SLC27A4: variants seen among roughly 807,000 people sequenced by gnomAD.
SLC27A4 encodes long-chain fatty acid transport protein 4.
In SLC27A4, 33 loss-of-function variants were observed where a neutral mutation model predicts 64.4. The observed-to-expected ratio is 0.51, with a 90% CI of 0.39 to 0.68. The LOEUF (loss-of-function observed/expected upper bound fraction) is 0.68, where lower values mean the gene tolerates loss of function less well. Among genes scored for constraint, SLC27A4 ranks in the 30% least tolerant of loss-of-function variants. The pLI, the probability that SLC27A4 is intolerant of heterozygous loss-of-function variation, is 0.00. For missense variants in SLC27A4, 824 were observed against 883.5 expected, an observed-to-expected ratio of 0.93 and a Z score of 0.85; for synonymous variants, 377 against 370.0, an observed-to-expected ratio of 1.02 and a Z score of -0.22.
chr9:128,354,953 C>CAA (rs139411337), intron 9 of SLC27A4, 100 bp from the exon 10 acceptor site: 4,488 of 724,560 alleles, frequency 6.2e-3, no homozygotes, highest in African/African-American at 0.014. Context: ...AACTCCGTCT[C>CAA]AAAAAAAAAA....
chr9:128,352,777 C>T (rs1377764919), intron 7 of SLC27A4, 30 bp downstream of exon 7: 6 of 1,528,184 alleles, frequency 3.9e-6, no homozygotes, highest in Admixed American at 3.3e-5. Context: ...GTGAGCTGTC[C>T]CTTTCCCCTA....
Position 128,358,538 on chromosome 9 carries a change from G to A in SLC27A4, c.1775-1796G>A, listed in dbSNP as rs141945814. On this transcript the variant is annotated intron_variant, in intron 12 of 12. Transcript: ENST00000300456. ...AGCTCACTGCAACCTTTGCCTCCTG[G>A]GTTCAAGTGATTCTCCTGTCTCAGC... 5.6e-3 allele frequency among the ~76,000 whole-genome samples: 846 copies of A among 152,308 alleles called. 6 individuals carry two copies. Among genetic ancestry groups the A allele is most frequent in the South Asian group, 0.011 (51 of 4,822 alleles).
chr9:128,340,934 C>T (rs1338572279), intron 1 of SLC27A4, 96 bp downstream of exon 1: 3 of 483,500 alleles, frequency 6.2e-6, no homozygotes, highest in East Asian at 7.0e-5. Flanking sequence ...GGGGGCGCGC[C>T]CTGCGGCGCT....
rs765673664 is a variant in SLC27A4, at chr9:128,350,594, C to T, written c.877+19C>T. On this transcript the variant is annotated intron_variant, in intron 6 of 12. Coordinates refer to ENST00000300456, the MANE Select transcript of SLC27A4 (RefSeq NM_005094.4). ...TCAGCAGGTAACTCTAGGGCTGTCA[C>T]ACAGCCTCCAGCACCTGCCAGGTCT... 1.3e-5 allele frequency: 20 copies of T among 1,579,614 alleles called. No homozygotes were observed. Among genetic ancestry groups the T allele is most frequent in the Non-Finnish European group, 1.7e-5 (20 of 1,153,428 alleles).
In SLC27A4 at chr9:128,355,686, G is replaced by T; in HGVS notation, c.1664G>T (p.Ser555Ile). The T allele has an allele frequency of 6.2e-7, 1 of 1,612,536 alleles. No homozygotes were observed. ...CGGGCCGGAATGGCTGCTGTGGCCA[G>T]CCCCACTGGCAACTGTGACCTGGAG... ...EGRAGMAAVA[S>I]PTGNCDLERF... Residue 555 changes from serine to isoleucine, a missense_variant, in exon 12 of 13, where the codon AGC becomes ATC. Ser to Ile is a moderately radical substitution (Grantham distance 142). Coordinates refer to ENST00000300456, the MANE Select transcript of SLC27A4 (RefSeq NM_005094.4).
In SLC27A4 at chr9:128,340,668, G is replaced by A; in HGVS notation, c.-177G>A. On this transcript the variant is annotated 5_prime_UTR_variant, in exon 1 of 13. Transcript: ENST00000300456. ...GTAGGAGCGCGGCGGGCGGGGCCGG[G>A]CGGCGGGCGGGGCTGGCGGGGCGGC... The A allele has an allele frequency of 2.8e-6, 1 of 362,228 alleles. No homozygotes were observed. The highest frequency in any genetic ancestry group is 4.9e-6 in the Non-Finnish European group (1 of 203,026). 22.4% of individuals were successfully genotyped at this position (362,228 alleles called of 1,614,324 possible).
intron 6 of SLC27A4, among the ~76,000 whole-genome samples, chr9:128,352,125 G>T (rs1832746074): frequency 6.6e-6 from 1 of 151,984 alleles, no homozygotes; most frequent in Non-Finnish European, 1.5e-5. Context: ...AACCCGGAAG[G>T]CGGAGCTTGC....
chr9:128,343,674 G>A (rs2131250866), intron 2 of SLC27A4, among the ~76,000 whole-genome samples: 1 of 152,296 alleles, frequency 6.6e-6, no homozygotes, highest in Admixed American at 6.5e-5. Context: ...GTGTGAGATG[G>A]CACAGGGGGC....
chr9:128,347,416 A>G (rs1832672702), intron 3 of SLC27A4, among the ~76,000 whole-genome samples: 1 of 152,120 alleles, frequency 6.6e-6, no homozygotes, highest in African/African-American at 2.4e-5. Flanking sequence ...GGGATAATGA[A>G]TAGGGAAGTC....
In SLC27A4 at chr9:128,361,165, G is replaced by C. The variant is rs541462309; in HGVS notation, c.*674G>C. ...ATCTCAGTCTTGGCCTGGCTATGAGGGGAGGAGGAATGGGAGAGGGGGCTC... is the reference window on the plus strand; with the variant it reads ...ATCTCAGTCTTGGCCTGGCTATGAGCGGAGGAGGAATGGGAGAGGGGGCTC... On this transcript the variant is annotated 3_prime_UTR_variant, in exon 13 of 13. Coordinates refer to ENST00000300456, the MANE Select transcript of SLC27A4 (RefSeq NM_005094.4). 52 of 155,710 alleles carry C rather than the reference G, an allele frequency of 3.3e-4. No individual in the cohort carries two copies. The highest frequency in any genetic ancestry group is 6.3e-4 in the Non-Finnish European group (44 of 70,016). 9.6% of individuals were successfully genotyped at this position (155,710 alleles called of 1,614,324 possible).
chr9:128,341,870 C>CT (rs1426102057), intron 1 of SLC27A4, among the ~76,000 whole-genome samples: 1 of 152,176 alleles, frequency 6.6e-6, no homozygotes, highest in African/African-American at 2.4e-5. Flanking sequence ...TCCTGAGTAG[C>CT]TGGGGTTACA....
At chr9:128,348,754 G>C (rs1439216967) in intron 4 of SLC27A4, 51 bp downstream of exon 4, 3 of 1,589,546 alleles carry the variant, frequency 1.9e-6, no homozygotes, top group Non-Finnish European at 2.6e-6. Flanking sequence ...GCCCTGGACA[G>C]AGCACTGGCC....
intron 11 of SLC27A4, 32 bp downstream of exon 11, chr9:128,355,594 G>A (rs1321201222): frequency 1.2e-6 from 2 of 1,607,448 alleles, no homozygotes; most frequent in African/African-American, 1.3e-5. Flanking sequence ...GTGTGGGTAG[G>A]GAGGCACCAC....
At chr9:128,352,252 A>AGT (rs1234780378) in intron 6 of SLC27A4, among the ~76,000 whole-genome samples, 1 of 151,902 alleles carries the variant, frequency 6.6e-6, no homozygotes. Flanking sequence ...CCAGCCTCAC[A>AGT]GTGTGTGTGG....
chr9:128,340,704 A>G lies in SLC27A4; in HGVS notation c.-141A>G, dbSNP rs1055226122. ...GGCTGGCGGGGCGGCCGGGCCATGC[A>G]GGGCGCAGAGCCGGCTAAACCCTGC... On this transcript the variant is annotated 5_prime_UTR_variant, in exon 1 of 13. Transcript: ENST00000300456. 24 of 475,094 alleles carry G rather than the reference A, an allele frequency of 5.1e-5. No homozygotes were observed. The highest frequency in any genetic ancestry group is 7.6e-5 in the Non-Finnish European group (20 of 262,294). 29.4% of individuals were successfully genotyped at this position (475,094 alleles called of 1,614,324 possible). A position where few individuals can be genotyped will look rare whatever the true frequency, so the allele number is the denominator to read the frequency against.
Position 128,345,134 on chromosome 9 carries a change from C to A in SLC27A4, c.162-21C>A, listed in dbSNP as rs200929234. 1.1e-4 allele frequency: 170 copies of A among 1,613,112 alleles called. 2 individuals carry two copies. The South Asian group carries it at 1.7e-3, about 16-fold the overall frequency. ...CCTCCCAACCATGGCAGACACAGCG[C>A]CCTCTCTTGTTCACACACAGTGGCG... On this transcript the variant is annotated intron_variant, in intron 2 of 12. Transcript: ENST00000300456. The surrounding 1 kb of genome is among the most constrained non-coding windows in gnomAD (Gnocchi z 4.1).
Position 128,345,286 on chromosome 9 carries a change from C to T in SLC27A4, c.293C>T (p.Thr98Ile). The T allele has an allele frequency of 6.2e-7, 1 of 1,613,920 alleles. No homozygotes were observed. Among genetic ancestry groups the T allele is most frequent in the South Asian group, 1.1e-5 (1 of 91,070 alleles). ...PDKTALIFEG[T>I]DTHWTFRQLD... is the part of the protein sequence containing the mutation. ...AAGACGGCCCTGATCTTCGAGGGCA[C>T]AGATACCCACTGGACCTTCCGCCAG... The change falls in exon 3 of 13, where the codon ACA becomes ATA. Residue 98 changes from threonine to isoleucine, a missense_variant. Transcript: ENST00000300456. The surrounding 1 kb of genome is among the most constrained non-coding windows in gnomAD (Gnocchi z 4.1).
At chr9:128,343,757 C>A (rs900985504) in intron 2 of SLC27A4, among the ~76,000 whole-genome samples, 1 of 152,184 alleles carries the variant, frequency 6.6e-6, no homozygotes. Flanking sequence ...CCGGTATGCT[C>A]CAAGGGACAT....
In SLC27A4 at chr9:128,348,550, T is replaced by G. The variant is rs112690666; in HGVS notation, c.562T>G (p.Cys188Gly). 1.8e-4 allele frequency: 291 copies of G among 1,613,168 alleles called. No individual in the cohort carries two copies. In the African/African-American group the frequency reaches 2.6e-3, roughly 15 times the overall value. ...ACTGCCCTGTCTCCCCACAGCCATCTGTGAGGTCCATGCCAGCCTGGACCC... is the reference window on the plus strand; with the variant it reads ...ACTGCCCTGTCTCCCCACAGCCATCGGTGAGGTCCATGCCAGCCTGGACCC... ...VFGSEMASAI[C>G]EVHASLDPSL... Residue 188 changes from cysteine (C) to glycine (G), a missense_variant, in exon 4 of 13, where the codon TGT becomes GGT. Coordinates refer to ENST00000300456, the MANE Select transcript of SLC27A4 (RefSeq NM_005094.4).
Sources: gnomAD v4.1 joint callset for allele counts (sites outside exome capture counted in the v4.1 genomes callset) on GRCh38, gnomAD v4.1.1 for gene constraint, Gnocchi (gnomAD v3.1) non-coding constraint, MANE v1.5 for transcripts, NCBI Gene and HGNC (gene_info 2026-07-23, HGNC 2026-07-21) for gene names.